GRIK2: variants seen among roughly 807,000 people sequenced by gnomAD.
GRIK2 encodes glutamate ionotropic receptor kainate type subunit 2.
GRIK2 carries 32 observed loss-of-function variants against 100.3 expected under a neutral mutation model. The observed-to-expected ratio is 0.32, with a 90% CI of 0.24 to 0.43. The LOEUF (loss-of-function observed/expected upper bound fraction) is 0.43, where lower values mean the gene tolerates loss of function less well. GRIK2 is among the 20% of genes least tolerant of loss of function. GRIK2 has a pLI of 1.00. For missense variants in GRIK2, 843 were observed against 1,114.9 expected (o/e 0.76, Z 3.47); for synonymous variants, 417 against 389.4 (o/e 1.07, Z -0.83).
At chr6:101,985,785 A>C (rs1793985124) in intron 14 of GRIK2, among the ~76,000 whole-genome samples, 1 of 151,820 alleles carries the variant, frequency 6.6e-6, no homozygotes, top group Admixed American at 6.6e-5. Flanking sequence ...AAATTAAGAA[A>C]GAAAGTAATA....
At chr6:101,502,281 G>A (rs1010057609) in intron 2 of GRIK2, among the ~76,000 whole-genome samples, 3 of 151,894 alleles carry the variant, frequency 2.0e-5, no homozygotes, top group African/African-American at 7.3e-5. Context: ...ATCATTTCTG[G>A]GAACATATGC....
At chr6:101,562,300 G>A (rs1468697057) in intron 2 of GRIK2, among the ~76,000 whole-genome samples, 1 of 152,014 alleles carries the variant, frequency 6.6e-6, no homozygotes, top group East Asian at 1.9e-4. Flanking sequence ...ACAGATGACA[G>A]TTCTGTCATA....
At chr6:101,659,634 C>T (rs1274384976) in intron 4 of GRIK2, among the ~76,000 whole-genome samples, 1 of 152,128 alleles carries the variant, frequency 6.6e-6, no homozygotes, top group African/African-American at 2.4e-5. Flanking sequence ...ATATTTAGTG[C>T]TTCCTTCAGG....
chr6:101,417,584 A>G (rs536048914), intron 2 of GRIK2, among the ~76,000 whole-genome samples: 213 of 152,300 alleles, frequency 1.4e-3, no homozygotes, highest in African/African-American at 5.0e-3. Flanking sequence ...CACAGATATA[A>G]TCACAGTGGA....
chr6:101,545,874 ACTTTAACTC>A (rs1346802599), intron 2 of GRIK2, among the ~76,000 whole-genome samples: 2 of 151,774 alleles, frequency 1.3e-5, no homozygotes, highest in Non-Finnish European at 2.9e-5. Flanking sequence ...TTGATTTCTT[ACTTTAACTC>A]CTTTCTCCTA....
chr6:101,645,493 A>G (rs896140954), intron 4 of GRIK2, among the ~76,000 whole-genome samples: 8 of 151,914 alleles, frequency 5.3e-5, no homozygotes, highest in Non-Finnish European at 1.2e-4. Context: ...ACGTTAAACA[A>G]TAAAGATGGG....
intron 4 of GRIK2, among the ~76,000 whole-genome samples, chr6:101,635,830 T>C (rs1404489153): frequency 6.6e-6 from 1 of 151,984 alleles, no homozygotes; most frequent in East Asian, 1.9e-4. Context: ...AGAATAGCAA[T>C]CATTAAAAAG....
chr6:102,026,355 C>A (rs1161458524), intron 14 of GRIK2, among the ~76,000 whole-genome samples: 1 of 150,544 alleles, frequency 6.6e-6, no homozygotes, highest in Non-Finnish European at 1.5e-5. Flanking sequence ...CTTTTTATTA[C>A]ATTAGGTAGG....
At chr6:101,682,063 A>T (rs1228706148) in intron 5 of GRIK2, among the ~76,000 whole-genome samples, 1 of 152,212 alleles carries the variant, frequency 6.6e-6, no homozygotes, top group African/African-American at 2.4e-5. Context: ...GTAATTTTTA[A>T]ATAAGAGTGG....
chr6:101,971,745 C>G (rs207467317), intron 14 of GRIK2, among the ~76,000 whole-genome samples: 1 of 151,952 alleles, frequency 6.6e-6, no homozygotes, highest in East Asian at 1.9e-4. Context: ...TTGCCTGTCT[C>G]CATTCCTTCC....
chr6:101,704,987 TTATA>T (rs1291144310), intron 7 of GRIK2, among the ~76,000 whole-genome samples: 2 of 131,768 alleles, frequency 1.5e-5, no homozygotes, highest in African/African-American at 5.1e-5. Context: ...TATTATATAT[TTATA>T]TATTATATTA....
chr6:101,878,393 T>G (rs1010016138), intron 11 of GRIK2, among the ~76,000 whole-genome samples: 1 of 151,524 alleles, frequency 6.6e-6, no homozygotes, highest in African/African-American at 2.4e-5. Flanking sequence ...GAAGGAAGAA[T>G]AGAAGGTTGG....
intron 2 of GRIK2, among the ~76,000 whole-genome samples, chr6:101,410,627 C>T (rs558080791): frequency 3.3e-5 from 5 of 152,156 alleles, no homozygotes; most frequent in African/African-American, 1.2e-4. Context: ...CCAGAGAATC[C>T]ACAGGACCAT....
chr6:101,519,483 G>A (rs1774764182), intron 2 of GRIK2, among the ~76,000 whole-genome samples: 1 of 151,964 alleles, frequency 6.6e-6, no homozygotes, highest in African/African-American at 2.4e-5. Flanking sequence ...ATTTCACAGT[G>A]TTCCTTGAGT....
chr6:101,734,581 C>T (rs570832794), intron 7 of GRIK2, among the ~76,000 whole-genome samples: 99 of 152,154 alleles, frequency 6.5e-4, no homozygotes, highest in African/African-American at 2.2e-3. Flanking sequence ...ATTTGGGTAC[C>T]CATGACCCTG....
intron 14 of GRIK2, among the ~76,000 whole-genome samples, chr6:101,964,393 T>A (rs1317606870): frequency 6.6e-6 from 1 of 152,084 alleles, no homozygotes; most frequent in Non-Finnish European, 1.5e-5. Context: ...TTTCCTTGTG[T>A]TTTAAGAGCC....
chr6:101,872,541 G>A (rs1276221605), intron 11 of GRIK2, among the ~76,000 whole-genome samples: 1 of 151,708 alleles, frequency 6.6e-6, no homozygotes, highest in Non-Finnish European at 1.5e-5. Context: ...ACCGAACATG[G>A]GCATTATAGG....
At chr6:101,970,990 G>A (rs917565913) in intron 14 of GRIK2, among the ~76,000 whole-genome samples, 2 of 150,832 alleles carry the variant, frequency 1.3e-5, no homozygotes, top group Admixed American at 6.6e-5. Context: ...TTGGCATAAT[G>A]GGAACTGTAG....
intron 14 of GRIK2, among the ~76,000 whole-genome samples, chr6:102,010,847 C>T (rs1181980028): frequency 2.0e-5 from 3 of 151,334 alleles, no homozygotes; most frequent in Non-Finnish European, 4.4e-5. Context: ...CATGTGTTTT[C>T]TTTCTTGGGT....
Sources: allele counts gnomAD v4.1 joint callset (sites outside exome capture counted in the v4.1 genomes callset), GRCh38; gene constraint gnomAD v4.1.1; transcripts MANE v1.5; gene names NCBI Gene and HGNC (gene_info 2026-07-23, HGNC 2026-07-21).